Variants in MAP7 observed in about 807,000 individuals in gnomAD.
The protein encoded by MAP7 is microtubule associated protein 7, also known as ensconsin.
Under a neutral mutation model 94.8 loss-of-function variants are expected in MAP7, and 52 were observed. The observed-to-expected ratio is 0.55, with a 90% CI of 0.44 to 0.69. MAP7 has a LOEUF of 0.69. Ranked by LOEUF, MAP7 falls within the 30% of genes least tolerant of loss-of-function variation. The probability of loss-of-function intolerance (pLI) is 0.00; values close to 1 mark genes in which losing one functional copy is unlikely to be tolerated. For missense variants in MAP7, 940 were observed against 964.6 expected (o/e 0.97, Z 0.34); for synonymous variants, 350 against 357.0 (o/e 0.98, Z 0.22).
chr6:136,541,951 C>T (rs1040430784), intron 1 of MAP7, among the ~76,000 whole-genome samples: 8 of 152,010 alleles, frequency 5.3e-5, no homozygotes, highest in African/African-American at 1.7e-4. Context: ...CCCGGCTACT[C>T]GGGAGGCTGA....
chr6:136,462,854 T>C (rs372810713), intron 1 of MAP7, among the ~76,000 whole-genome samples: 4 of 148,922 alleles, frequency 2.7e-5, no homozygotes, highest in Admixed American at 2.0e-4. Flanking sequence ...CCCAGTTACT[T>C]GGGAGGCTGA....
intron 3 of MAP7, among the ~76,000 whole-genome samples, chr6:136,400,661 A>C (rs1162481517): frequency 6.6e-6 from 1 of 152,220 alleles, no homozygotes; most frequent in Non-Finnish European, 1.5e-5. Flanking sequence ...AATAGAACTG[A>C]AGATCAAATG....
At chr6:136,381,156 T>C (rs1777621018) in intron 6 of MAP7, among the ~76,000 whole-genome samples, 1 of 152,210 alleles carries the variant, frequency 6.6e-6, no homozygotes, top group African/African-American at 2.4e-5. Flanking sequence ...CTAATGGAAT[T>C]ACTTAAATTT....
chr6:136,502,887 A>T (rs1214983730), intron 1 of MAP7, among the ~76,000 whole-genome samples: 1 of 152,162 alleles, frequency 6.6e-6, no homozygotes, highest in African/African-American at 2.4e-5. Flanking sequence ...CATACAATGC[A>T]TCATGATATA....
intron 1 of MAP7, among the ~76,000 whole-genome samples, chr6:136,478,202 T>G (rs1360747433): frequency 6.6e-6 from 1 of 152,070 alleles, no homozygotes; most frequent in Non-Finnish European, 1.5e-5. Flanking sequence ...AAACTTCAAA[T>G]AAGTAACCTA....
intron 1 of MAP7, among the ~76,000 whole-genome samples, chr6:136,530,345 C>A (rs960677062): frequency 6.6e-6 from 1 of 152,182 alleles, no homozygotes; most frequent in Non-Finnish European, 1.5e-5. Context: ...AAATTCTTTT[C>A]CACGTTTCAA....
At chr6:136,361,249 C>T (rs1306193800) in intron 11 of MAP7, 70 bp from the exon 12 acceptor site, 6 of 1,542,782 alleles carry the variant, frequency 3.9e-6, no homozygotes, top group Non-Finnish European at 2.6e-6. Flanking sequence ...AGGCCTCCGT[C>T]GGTGGTTCTG....
At chr6:136,359,452 C>T (rs1488723358) in intron 15 of MAP7, among the ~76,000 whole-genome samples, 1 of 152,052 alleles carries the variant, frequency 6.6e-6, no homozygotes, top group Non-Finnish European at 1.5e-5. Flanking sequence ...ATATACACTA[C>T]TTGAGCAGAC....
chr6:136,393,794 C>G (rs1582777203), intron 3 of MAP7, among the ~76,000 whole-genome samples: 2 of 122,516 alleles, frequency 1.6e-5, no homozygotes, highest in Admixed American at 2.1e-4. Flanking sequence ...CCACATTCAG[C>G]AAAATTTTTT....
At chr6:136,421,980 A>G (rs1170915610) in intron 1 of MAP7, among the ~76,000 whole-genome samples, 181 bp from the exon 2 acceptor site, 1 of 152,234 alleles carries the variant, frequency 6.6e-6, no homozygotes. Context: ...CACATAAAAA[A>G]TCAACAACCT....
At chr6:136,379,163 C>T (rs375531268) in intron 6 of MAP7, among the ~76,000 whole-genome samples, 3 of 152,162 alleles carry the variant, frequency 2.0e-5, no homozygotes, top group East Asian at 3.8e-4. Flanking sequence ...AAGTGAATGG[C>T]ATTTAAATGC....
At chr6:136,546,088 C>T (rs950618687) in intron 1 of MAP7, among the ~76,000 whole-genome samples, 3 of 152,286 alleles carry the variant, frequency 2.0e-5, no homozygotes, top group Admixed American at 2.0e-4. Flanking sequence ...TCTTGGCTCA[C>T]TGCAACCTCA....
intron 1 of MAP7, among the ~76,000 whole-genome samples, chr6:136,455,681 C>G (rs927433329): frequency 1.3e-5 from 2 of 152,050 alleles, no homozygotes; most frequent in Non-Finnish European, 2.9e-5. Flanking sequence ...GGAAATTAAA[C>G]AATATACTCT....
intron 4 of MAP7, 82 bp downstream of exon 4, chr6:136,389,272 C>T: frequency 6.7e-7 from 1 of 1,492,944 alleles, no homozygotes; most frequent in Non-Finnish European, 8.9e-7. Flanking sequence ...GCACCCTGCA[C>T]CTGACTGCAA....
intron 1 of MAP7, among the ~76,000 whole-genome samples, chr6:136,498,049 C>A (rs1363588637): frequency 6.6e-6 from 1 of 151,998 alleles, no homozygotes; most frequent in African/African-American, 2.4e-5. Context: ...TCTCAACTGA[C>A]AAAGGTGAGA....
chr6:136,411,691 G>T lies in MAP7; in HGVS notation c.173C>A (p.Pro58Gln). 2 of 1,563,808 alleles carry T rather than the reference G, an allele frequency of 1.3e-6. No individual in the cohort carries two copies. Among genetic ancestry groups the T allele is most frequent in the Non-Finnish European group, 1.7e-6 (2 of 1,152,754 alleles). Residue 58 changes from proline (P) to glutamine (Q), a missense_variant, in exon 3 of 18, where the codon CCG becomes CAG. Pro to Gln is a moderately conservative substitution (Grantham distance 76). Coordinates refer to ENST00000354570, the MANE Select transcript of MAP7 (RefSeq NM_003980.6). ...NNHSGNKPDP[P>Q]PVLRVDDRQR... Reference sequence around the variant, plus strand: ...CCGGTCATCAACACGTAACACAGGCGGAGGGTCTGAAAGCGAGATTAAAAA... The same window carrying T: ...CCGGTCATCAACACGTAACACAGGCTGAGGGTCTGAAAGCGAGATTAAAAA...
chr6:136,425,960 T>C (rs1793003920), intron 1 of MAP7, among the ~76,000 whole-genome samples: 1 of 152,184 alleles, frequency 6.6e-6, no homozygotes, highest in African/African-American at 2.4e-5. Context: ...AGGGGTATAA[T>C]GTATCTCCTT....
chr6:136,505,280 T>C (rs1463242558), intron 1 of MAP7, among the ~76,000 whole-genome samples: 1 of 102,490 alleles, frequency 9.8e-6, no homozygotes, highest in Non-Finnish European at 1.8e-5. Context: ...TGTGTGTGTA[T>C]ATATATATAT....
chr6:136,383,493 CT>C (rs2128639804), intron 6 of MAP7, among the ~76,000 whole-genome samples, 177 bp downstream of exon 6: 1 of 152,320 alleles, frequency 6.6e-6, no homozygotes, highest in Admixed American at 6.5e-5. Context: ...GAGAAATGTT[CT>C]TGTCGCAAGG....
Sources: gnomAD v4.1 joint callset for allele counts (sites outside exome capture counted in the v4.1 genomes callset) on GRCh38, gnomAD v4.1.1 for gene constraint, MANE v1.5 for transcripts, NCBI Gene and HGNC (gene_info 2026-07-23, HGNC 2026-07-21) for gene names.